KCNIP4: variants seen among roughly 807,000 people sequenced by gnomAD.
KCNIP4 encodes Kv channel-interacting protein 4.
KCNIP4 carries 12 observed loss-of-function variants against 34.0 expected under a neutral mutation model. That is an observed-to-expected ratio of 0.35 (90% CI 0.23 to 0.57). The LOEUF (loss-of-function observed/expected upper bound fraction) is 0.57, where lower values mean the gene tolerates loss of function less well. Ranked by LOEUF, KCNIP4 falls within the 20% of genes least tolerant of loss-of-function variation. The pLI, the probability that KCNIP4 is intolerant of heterozygous loss-of-function variation, is 0.83. For synonymous variants in KCNIP4, 124 were observed against 102.2 expected, an observed-to-expected ratio of 1.21 and a Z score of -1.29; for missense variants, 238 against 311.7, an observed-to-expected ratio of 0.76 and a Z score of 1.78.
At position 21,312,481 on chromosome 4, in the gene KCNIP4, C is replaced by T. The variant is rs573470148; in HGVS notation, c.62-429772G>A. Among the ~76,000 whole-genome samples the T allele has an allele frequency of 5.9e-5, 9 of 152,316 alleles. No homozygotes were observed. The East Asian group carries it at 1.7e-3, about 30-fold the overall frequency. On this transcript the variant is annotated intron_variant, in intron 1 of 8. Transcript: ENST00000382152. ...CTGCATTAATCTGCTCAAACACCCT[C>T]ACCCATGTAAGGAACACATTCTCCC...
intron 3 of KCNIP4, among the ~76,000 whole-genome samples, chr4:20,829,684 C>T (rs566825829): frequency 1.1e-4 from 16 of 152,034 alleles, no homozygotes; most frequent in Non-Finnish European, 2.1e-4. Context: ...GTTTATTATC[C>T]TTGATAATCA....
At chr4:21,764,485 T>C (rs1718271807) in intron 1 of KCNIP4, among the ~76,000 whole-genome samples, 2 of 152,072 alleles carry the variant, frequency 1.3e-5, no homozygotes, top group South Asian at 4.1e-4. Context: ...ATGAAATATT[T>C]ATATAAAAAT....
intron 1 of KCNIP4, among the ~76,000 whole-genome samples, chr4:21,287,550 A>G (rs1203524113): frequency 2.0e-5 from 3 of 152,158 alleles, no homozygotes; most frequent in Non-Finnish European, 4.4e-5. Context: ...AATTATCTCC[A>G]TGTGTCAGAT....
intron 1 of KCNIP4, among the ~76,000 whole-genome samples, chr4:21,325,670 T>C (rs1714968107): frequency 6.6e-6 from 1 of 151,908 alleles, no homozygotes; most frequent in Non-Finnish European, 1.5e-5. Context: ...CTTCTAGCTC[T>C]TTAAGATGCT....
intron 1 of KCNIP4, among the ~76,000 whole-genome samples, chr4:21,731,114 C>CAAAAA (rs36075428): frequency 0.011 from 1,546 of 135,090 alleles, 32 homozygotes; most frequent in African/African-American, 0.041. Context: ...GAACCTGTCT[C>CAAAAA]AAAAAAAAAA....
chr4:20,777,599 C>T (rs981083171), intron 3 of KCNIP4, among the ~76,000 whole-genome samples: 10 of 152,130 alleles, frequency 6.6e-5, no homozygotes, highest in African/African-American at 2.2e-4. Flanking sequence ...GTCAGCACCT[C>T]GATCCTGGAC....
chr4:21,121,695 A>T (rs1019244056), intron 1 of KCNIP4, among the ~76,000 whole-genome samples: 3 of 152,240 alleles, frequency 2.0e-5, no homozygotes, highest in Non-Finnish European at 2.9e-5. Context: ...AGTAAGTGAG[A>T]TATTGCATAC....
chr4:20,760,836 A>C (rs1217526274), intron 3 of KCNIP4, among the ~76,000 whole-genome samples: 1 of 152,132 alleles, frequency 6.6e-6, no homozygotes, highest in African/African-American at 2.4e-5. Context: ...AACAACCAAA[A>C]ACAAATGAGC....
chr4:21,436,254 G>A (rs2109686436), intron 1 of KCNIP4, among the ~76,000 whole-genome samples: 1 of 152,222 alleles, frequency 6.6e-6, no homozygotes, highest in East Asian at 1.9e-4. Flanking sequence ...CAGAGCCTGG[G>A]AAACACCTGA....
chr4:21,694,928 A>AAT (rs1553921779), intron 1 of KCNIP4, among the ~76,000 whole-genome samples: 5 of 122,894 alleles, frequency 4.1e-5, no homozygotes, highest in African/African-American at 1.2e-4. Flanking sequence ...AAAAAAAAAA[A>AAT]AATAAAAATA....
chr4:21,124,178 T>C (rs1055531205), intron 1 of KCNIP4, among the ~76,000 whole-genome samples: 9 of 152,212 alleles, frequency 5.9e-5, no homozygotes, highest in African/African-American at 2.2e-4. Context: ...TGCTCCTTTA[T>C]TCAACTTGTG....
chr4:21,128,087 C>T (rs867642171), intron 1 of KCNIP4, among the ~76,000 whole-genome samples: 20 of 152,292 alleles, frequency 1.3e-4, no homozygotes, highest in African/African-American at 4.3e-4. Context: ...AAGTGCTTGA[C>T]TTAATAAGCT....
At chr4:21,349,160 C>G (rs1717756712) in intron 1 of KCNIP4, among the ~76,000 whole-genome samples, 1 of 152,058 alleles carries the variant, frequency 6.6e-6, no homozygotes, top group Non-Finnish European at 1.5e-5. Context: ...TTCCTCAAGT[C>G]CAAAATAGGA....
intron 1 of KCNIP4, among the ~76,000 whole-genome samples, chr4:21,506,376 A>ATTGTCTTGT (rs1733848571): frequency 6.6e-6 from 1 of 152,186 alleles, no homozygotes; most frequent in African/African-American, 2.4e-5. Flanking sequence ...GAATAACAGT[A>ATTGTCTTGT]CTTGTCTCAC....
At chr4:21,229,895 A>C (rs1758672300) in intron 1 of KCNIP4, among the ~76,000 whole-genome samples, 1 of 152,204 alleles carries the variant, frequency 6.6e-6, no homozygotes. Context: ...TACAGTTTAC[A>C]GTCCATTTAA....
intron 1 of KCNIP4, among the ~76,000 whole-genome samples, chr4:20,921,638 T>C (rs12500896): frequency 0.35 from 53,536 of 152,156 alleles, 11,120 homozygotes; most frequent in East Asian, 0.5. Flanking sequence ...ATCCATTATT[T>C]AATTTAAAAA....
chr4:21,829,375 T>C (rs996101369), intron 1 of KCNIP4, among the ~76,000 whole-genome samples: 21 of 152,090 alleles, frequency 1.4e-4, no homozygotes, highest in Admixed American at 7.2e-4. Flanking sequence ...CTTGTATAGC[T>C]TGAAAAGATG....
At chr4:21,165,799 A>G (rs901068327) in intron 1 of KCNIP4, among the ~76,000 whole-genome samples, 1 of 152,196 alleles carries the variant, frequency 6.6e-6, no homozygotes, top group African/African-American at 2.4e-5. Context: ...TGTCCTCTCT[A>G]AAATTCATGT....
At chr4:20,968,728 G>A (rs983673627) in intron 1 of KCNIP4, among the ~76,000 whole-genome samples, 1 of 138,624 alleles carries the variant, frequency 7.2e-6, no homozygotes, top group Non-Finnish European at 1.5e-5. Context: ...GTTGAACAAT[G>A]AGAACACATG....
Sources: gnomAD v4.1 joint callset for allele counts (sites outside exome capture counted in the v4.1 genomes callset) on GRCh38, gnomAD v4.1.1 for gene constraint, MANE v1.5 for transcripts, NCBI Gene and HGNC (gene_info 2026-07-23, HGNC 2026-07-21) for gene names.